EFCAB9: variants seen among roughly 807,000 people sequenced by gnomAD.
EFCAB9 encodes the protein EF-hand calcium binding domain 9.
A neutral mutation model predicts 15.6 loss-of-function variants in EFCAB9; 16 were observed. The ratio of observed to expected loss-of-function variants is 1.03; its 90% CI spans 0.69 to 1.56. The LOEUF (loss-of-function observed/expected upper bound fraction) is 1.56, where lower values mean the gene tolerates loss of function less well. Ranked by LOEUF, EFCAB9 falls within the 40% of genes most tolerant of loss-of-function variation. The pLI is 0.00. For missense variants in EFCAB9, 208 were observed against 235.4 expected, an observed-to-expected ratio of 0.88 and a Z score of 0.76; for synonymous variants, 76 against 85.4, an observed-to-expected ratio of 0.89 and a Z score of 0.61.
rs182760729 is a variant in EFCAB9 at position 172,203,403 on chromosome 5, T to C, written c.*58T>C. On this transcript the variant is annotated 3_prime_UTR_variant, in exon 4 of 4. Coordinates refer to ENST00000398186, the MANE Select transcript of EFCAB9 (RefSeq NM_001171183.2). ...GATCTGAAAGTACAGAACATGAACA[T>C]TGATGAAGACTGTTAACATGTCTAA... 2,734 of 1,494,408 alleles carry C rather than the reference T, an allele frequency of 1.8e-3. 2 individuals carry two copies. The highest frequency in any genetic ancestry group is 2.2e-3 in the Non-Finnish European group (2,506 of 1,129,550). The allele number at this position is 1,494,408 out of a possible 1,614,324, so 92.6% of individuals were successfully genotyped here. A position where few individuals can be genotyped will look rare whatever the true frequency, so the allele number is the denominator to read the frequency against.
chr5:172,200,827 T>C, intron 3 of EFCAB9, 85 bp downstream of exon 3: 1 of 1,340,174 alleles, frequency 7.5e-7, no homozygotes, highest in South Asian at 1.5e-5. Flanking sequence ...ATAGGAGAGA[T>C]GGGAGAGGAG....
chr5:172,196,635 C>T (rs560355725), intron 1 of EFCAB9, among the ~76,000 whole-genome samples: 1 of 152,250 alleles, frequency 6.6e-6, no homozygotes, highest in South Asian at 2.1e-4. Flanking sequence ...CTCGGCCTCC[C>T]AAAGTGTTGG....
intron 1 of EFCAB9, among the ~76,000 whole-genome samples, chr5:172,196,011 T>G (rs994992670): frequency 6.6e-6 from 1 of 151,982 alleles, no homozygotes; most frequent in Non-Finnish European, 1.5e-5. Context: ...TTCACTATGT[T>G]GGCCAGGCTA....
intron 1 of EFCAB9, among the ~76,000 whole-genome samples, chr5:172,194,953 G>A (rs1747344388): frequency 6.6e-6 from 1 of 151,950 alleles, no homozygotes; most frequent in African/African-American, 2.4e-5. Flanking sequence ...TGAGAGTATG[G>A]CAAATGCTTA....
At position 172,200,661 on chromosome 5, in the gene EFCAB9, C is replaced by T. The variant is rs1325015374; in HGVS notation, c.381C>T (p.Phe127=). ...ATCTGAGAATTGGTGCAAAAAACTTCGAAATGTACAGATTTCTCTTCAATA... is the reference window on the plus strand; with the variant it reads ...ATCTGAGAATTGGTGCAAAAAACTTTGAAATGTACAGATTTCTCTTCAATA... ...KGDLRIGAKN[F]EMYRFLFNIQ... is the part of the protein sequence containing the mutation. The change falls in exon 3 of 4, where the codon TTC becomes TTT. Residue 127 remains phenylalanine, a synonymous_variant. Transcript: ENST00000398186. 28 of 1,537,240 alleles carry T rather than the reference C, an allele frequency of 1.8e-5. No homozygotes were observed. In the East Asian group the frequency reaches 5.1e-4, roughly 28 times the overall value.
chr5:172,198,189 A>G (rs1035462636), intron 1 of EFCAB9, among the ~76,000 whole-genome samples: 5 of 152,190 alleles, frequency 3.3e-5, no homozygotes, highest in African/African-American at 1.2e-4. Context: ...TAGGGTTGTC[A>G]GGATTTAGTG....
chr5:172,201,272 G>A (rs1771252765), intron 3 of EFCAB9, among the ~76,000 whole-genome samples: 1 of 152,246 alleles, frequency 6.6e-6, no homozygotes, highest in Non-Finnish European at 1.5e-5. Context: ...ATACTTGGGA[G>A]GCTGAGGCAG....
chr5:172,198,710 G>A (rs1050517298), intron 1 of EFCAB9, among the ~76,000 whole-genome samples: 2 of 152,074 alleles, frequency 1.3e-5, no homozygotes, highest in Non-Finnish European at 2.9e-5. Context: ...TCCGCCTCCC[G>A]GGTTCAAGCA....
At position 172,194,208 on chromosome 5, in the gene EFCAB9, C is replaced by G. The variant is rs189903342; in HGVS notation, c.36C>G (p.Leu12=). 4.4e-5 allele frequency: 67 copies of G among 1,537,586 alleles called. No individual in the cohort carries two copies. In the East Asian group the frequency reaches 1.5e-3, roughly 35 times the overall value. The change falls in exon 1 of 4, where the codon CTC becomes CTG. Residue 12 remains leucine, a synonymous_variant. Coordinates refer to ENST00000398186, the MANE Select transcript of EFCAB9 (RefSeq NM_001171183.2). ...AGCAAGGATCGTTTCTGTGGTACCT[C>G]TATCTGGACAAAATATACTGCTTAT... ...RLKQGSFLWY[L]YLDKIYCLLS...
At chr5:172,199,634 T>G in intron 2 of EFCAB9, 103 bp downstream of exon 2, 1 of 1,436,676 alleles carries the variant, frequency 7.0e-7, no homozygotes, top group East Asian at 2.5e-5. Context: ...GAAGAAAAGA[T>G]GGGTGGTGGG....
chr5:172,199,068 G>A (rs1362501033), intron 1 of EFCAB9, among the ~76,000 whole-genome samples: 1 of 152,152 alleles, frequency 6.6e-6, no homozygotes, highest in South Asian at 2.1e-4. Flanking sequence ...TTATATGTTA[G>A]CGCCTTGCCT....
intron 1 of EFCAB9, among the ~76,000 whole-genome samples, chr5:172,198,319 G>A (rs1165306238): frequency 6.6e-6 from 1 of 151,964 alleles, no homozygotes; most frequent in Non-Finnish European, 1.5e-5. Flanking sequence ...GACGAGTCTG[G>A]GCAACATAAG....
intron 1 of EFCAB9, among the ~76,000 whole-genome samples, chr5:172,198,146 A>G (rs1581200230): frequency 6.6e-6 from 1 of 152,194 alleles, no homozygotes; most frequent in African/African-American, 2.4e-5. Context: ...AGTCCAGCTG[A>G]CTTCACCTCT....
intron 1 of EFCAB9, among the ~76,000 whole-genome samples, chr5:172,195,302 T>C (rs1771141495): frequency 6.6e-6 from 1 of 152,106 alleles, no homozygotes; most frequent in East Asian, 1.9e-4. Context: ...TGAGTAGAAA[T>C]AAGGTATCCT....
In EFCAB9 at chr5:172,199,469, G is replaced by A. The variant is rs980061694; in HGVS notation, c.223G>A (p.Ala75Thr). ...TGTGTTTGACATGCTGGACTGGAAC[G>A]CTGTGGGCGAGATCGACTTTGAGAA... Reference protein sequence around the residue: ...NIVFDMLDWNAVGEIDFEKFY... With the variant: ...NIVFDMLDWNTVGEIDFEKFY... Residue 75 changes from alanine to threonine, a missense_variant, in exon 2 of 4, where the codon GCT becomes ACT. Ala to Thr is a moderately conservative substitution (Grantham distance 58). Transcript: ENST00000398186. The A allele has an allele frequency of 9.1e-6, 14 of 1,537,210 alleles. No individual in the cohort carries two copies. The East Asian group carries it at 2.7e-4, about 30-fold the overall frequency.
At chr5:172,199,563 T>TG in intron 2 of EFCAB9, 32 bp downstream of exon 2, 1 of 1,535,270 alleles carries the variant, frequency 6.5e-7, no homozygotes, top group South Asian at 1.2e-5. Flanking sequence ...GCCATCCTCT[T>TG]GCTAATGGGA....
chr5:172,196,270 A>T (rs899048212), intron 1 of EFCAB9, among the ~76,000 whole-genome samples: 2 of 152,176 alleles, frequency 1.3e-5, no homozygotes, highest in African/African-American at 4.8e-5. Flanking sequence ...GAACATCAAG[A>T]GGCGGTCAGA....
chr5:172,203,397 T>C lies in EFCAB9; in HGVS notation c.*52T>C. 2.7e-6 allele frequency: 4 copies of C among 1,497,124 alleles called. No homozygotes were observed. Among genetic ancestry groups the C allele is most frequent in the Non-Finnish European group, 3.5e-6 (4 of 1,130,930 alleles). The allele number at this position is 1,497,124 out of a possible 1,614,324, so 92.7% of individuals were successfully genotyped here. On this transcript the variant is annotated 3_prime_UTR_variant, in exon 4 of 4. Transcript: ENST00000398186. Reference sequence around the variant, plus strand: ...AAATGGGATCTGAAAGTACAGAACATGAACATTGATGAAGACTGTTAACAT... The same window carrying C: ...AAATGGGATCTGAAAGTACAGAACACGAACATTGATGAAGACTGTTAACAT...
At position 172,200,756 on chromosome 5, in the gene EFCAB9, C is replaced by G; in HGVS notation, c.462+14C>G. Reference sequence around the variant, plus strand: ...ACAGGTGACAATGTAAGTACAGATCCAAAATGTGGCATGTGTGTGGCAGTC... The same window carrying G: ...ACAGGTGACAATGTAAGTACAGATCGAAAATGTGGCATGTGTGTGGCAGTC... On this transcript the variant is annotated intron_variant, in intron 3 of 3. Transcript: ENST00000398186. 1 of 1,530,116 alleles carries G rather than the reference C, an allele frequency of 6.5e-7. No individual in the cohort carries two copies. The highest frequency in any genetic ancestry group is 8.8e-7 in the Non-Finnish European group (1 of 1,142,648). The allele number at this position is 1,530,116 out of a possible 1,614,324, so 94.8% of individuals were successfully genotyped here. A position where few individuals can be genotyped will look rare whatever the true frequency, so the allele number is the denominator to read the frequency against.
Sources: allele counts gnomAD v4.1 joint callset (sites outside exome capture counted in the v4.1 genomes callset), GRCh38; gene constraint gnomAD v4.1.1; transcripts MANE v1.5; gene names NCBI Gene and HGNC (gene_info 2026-07-23, HGNC 2026-07-21).